Variants in ZNF732 observed in about 807,000 individuals in gnomAD.
ZNF732 encodes zinc finger protein 732, also known as zinc finger protein LOC654254.
Under a neutral mutation model 11.5 loss-of-function variants are expected in ZNF732, and 12 were observed. The ratio of observed to expected loss-of-function variants is 1.05; its 90% confidence interval spans 0.67 to 1.70. The LOEUF is 1.70. ZNF732 is among the 40% of genes most tolerant of loss of function. The pLI is 0.00. For synonymous variants in ZNF732, 231 were observed against 236.5 expected (o/e 0.98, Z 0.21); for missense variants, 702 against 676.9 (o/e 1.04, Z -0.41).
At position 272,464 on chromosome 4, in the gene ZNF732, T is replaced by C; in HGVS notation, c.393A>G (p.Gln131=). The stretch of plus-strand genomic sequence containing the variant: ...TTTTGCTCTGGATAGTTGACAAGCA[T>C]TGATTAAATTCATTATAACCTCCTT... ...VQKGGYNEFN[Q]CLSTIQSKIF... is the part of the protein sequence containing the mutation. Residue 131 remains glutamine, a synonymous_variant, in exon 4 of 4, where the codon CAA becomes CAG. Transcript: ENST00000419098. 1 of 1,601,414 alleles carries C rather than the reference T, an allele frequency of 6.2e-7. No individual in the cohort carries two copies. Among genetic ancestry groups the C allele is most frequent in the South Asian group, 1.1e-5 (1 of 89,756 alleles).
intron 3 of ZNF732, among the ~76,000 whole-genome samples, chr4:281,842 A>C (rs1399510072): frequency 1.3e-5 from 2 of 152,262 alleles, no homozygotes; most frequent in African/African-American, 4.8e-5. Context: ...AAAATGCTCC[A>C]GGAAGCACTA....
At chr4:273,608 TAA>T (rs1211916502) in intron 3 of ZNF732, among the ~76,000 whole-genome samples, 1 of 151,082 alleles carries the variant, frequency 6.6e-6, no homozygotes, top group Non-Finnish European at 1.5e-5. Context: ...AAATGCAAAA[TAA>T]AGACAGAAAT....
In ZNF732 at chr4:272,361, C is replaced by G. The variant is rs145832850; in HGVS notation, c.496G>C (p.Glu166Gln). 5.1e-4 allele frequency: 823 copies of G among 1,606,354 alleles called. 6 individuals carry two copies. In the African/African-American group the frequency reaches 9.7e-3, roughly 19 times the overall value. The change falls in exon 4 of 4, where the codon GAG becomes CAG. Residue 166 changes from glutamate to glutamine, a missense_variant. Glu to Gln is a conservative substitution (Grantham distance 29, BLOSUM62 2). This residue lies in a region of ZNF732 where 596 missense variants were observed against 557.9 expected (regional missense o/e 1.07). Transcript: ENST00000419098. ...TTGCCACATTCTTTAAAGTGTTTCT[C>G]TCCAGTATGTCTTATCCTACGTTGG... ...SNQRRIRHTG[E>Q]KHFKECGKSF...
intron 1 of ZNF732, among the ~76,000 whole-genome samples, chr4:301,634 C>T (rs1553843624): frequency 2.6e-5 from 4 of 152,104 alleles, no homozygotes; most frequent in Admixed American, 6.6e-5. Flanking sequence ...AACCAAACAC[C>T]GCATGTTCTC....
chr4:290,460 G>A (rs1719823880), intron 3 of ZNF732, among the ~76,000 whole-genome samples: 1 of 152,170 alleles, frequency 6.6e-6, no homozygotes, highest in African/African-American at 2.4e-5. Flanking sequence ...CCTGGCCTCA[G>A]CTGTGGTCCC....
chr4:281,485 A>T (rs530032860), intron 3 of ZNF732, among the ~76,000 whole-genome samples: 1 of 152,242 alleles, frequency 6.6e-6, no homozygotes, highest in African/African-American at 2.4e-5. Context: ...ATATAACTGG[A>T]GGCTTTTTTC....
chr4:288,569 T>C (rs1467077884), intron 3 of ZNF732, among the ~76,000 whole-genome samples: 3 of 152,208 alleles, frequency 2.0e-5, no homozygotes, highest in Non-Finnish European at 4.4e-5. Context: ...ATGGTTAGTT[T>C]TTGAGTTCTC....
At chr4:284,830 C>G (rs1553840384) in intron 3 of ZNF732, among the ~76,000 whole-genome samples, 1 of 134,110 alleles carries the variant, frequency 7.5e-6, no homozygotes, top group Non-Finnish European at 1.5e-5. Flanking sequence ...AAGATCACAC[C>G]ACTGCACTCC....
At chr4:288,739 T>C (rs113987817) in intron 3 of ZNF732, among the ~76,000 whole-genome samples, 5 of 152,314 alleles carry the variant, frequency 3.3e-5, no homozygotes, top group African/African-American at 1.2e-4. Flanking sequence ...TATGTAAATG[T>C]AAGAATTTTT....
intron 3 of ZNF732, among the ~76,000 whole-genome samples, chr4:287,944 AAC>A (rs1271517768): frequency 1.4e-5 from 2 of 146,610 alleles, no homozygotes; most frequent in Non-Finnish European, 3.0e-5. Flanking sequence ...CATTCTTTAC[AAC>A]ATTTTTTTTT....
intron 3 of ZNF732, among the ~76,000 whole-genome samples, chr4:292,922 G>A (rs1191119399): frequency 8.1e-5 from 10 of 123,356 alleles, no homozygotes; most frequent in African/African-American, 9.2e-5. Context: ...AAAAAAATTA[G>A]CCAGGCGTGG....
At chr4:300,454 C>CAAAAAAAAA (rs559629684) in intron 1 of ZNF732, among the ~76,000 whole-genome samples, 2 of 58,618 alleles carry the variant, frequency 3.4e-5, no homozygotes, top group African/African-American at 5.7e-5. Flanking sequence ...GACTCTGTCT[C>CAAAAAAAAA]AAAAAAAAAA....
chr4:294,010 G>T (rs1186136529), intron 3 of ZNF732, among the ~76,000 whole-genome samples: 1 of 152,008 alleles, frequency 6.6e-6, no homozygotes, highest in African/African-American at 2.4e-5. Context: ...TTTGGTTTTG[G>T]TTTTTTTGGA....
chr4:305,449 A>C lies in ZNF732; in HGVS notation c.-139T>G, dbSNP rs1581554512. Reference sequence around the variant, plus strand: ...TGAAAGCACGGCCGTGGAGACCCTAACCGAGCTCACGCTGGCGCAAAAGGC... The same window carrying C: ...TGAAAGCACGGCCGTGGAGACCCTACCCGAGCTCACGCTGGCGCAAAAGGC... On this transcript the variant is annotated 5_prime_UTR_variant, in exon 1 of 4. Coordinates refer to ENST00000419098, the MANE Select transcript of ZNF732 (RefSeq NM_001137608.3). 7.3e-6 allele frequency: 9 copies of C among 1,229,050 alleles called. No individual in the cohort carries two copies. Among genetic ancestry groups the C allele is most frequent in the Admixed American group, 2.4e-5 (1 of 42,006 alleles). The allele number at this position is 1,229,050 out of a possible 1,614,324, so 76.1% of individuals were successfully genotyped here. A position where few individuals can be genotyped will look rare whatever the true frequency, so the allele number is the denominator to read the frequency against.
chr4:285,009 C>G (rs1553840455), intron 3 of ZNF732, among the ~76,000 whole-genome samples: 1 of 151,336 alleles, frequency 6.6e-6, no homozygotes, highest in Non-Finnish European at 1.5e-5. Context: ...AATACTTTTC[C>G]TTTTTTCCAG....
chr4:295,523 G>C lies in ZNF732; in HGVS notation c.141C>G (p.Ile47Met). 3.1e-6 allele frequency: 5 copies of C among 1,612,074 alleles called. No homozygotes were observed. Among genetic ancestry groups the C allele is most frequent in the Non-Finnish European group, 4.2e-6 (5 of 1,178,950 alleles). ...GATAGATGACCAGGTCTGGGTTAGA[G>C]ATAGCAACACCTGTTTATTTTAAAA... ...YRNLISLGVAISNPDLVIYLE... is the reference protein window; with the variant it reads ...YRNLISLGVAMSNPDLVIYLE... The change falls in exon 3 of 4, where the codon ATC (isoleucine) becomes ATG (methionine). Residue 47 changes from isoleucine to methionine, a missense_variant. By Grantham distance (10) the Ile-to-Met change is conservative (BLOSUM62 1). This residue lies in a region of ZNF732 where 596 missense variants were observed against 557.9 expected (regional missense o/e 1.07). Coordinates refer to ENST00000419098, the MANE Select transcript of ZNF732 (RefSeq NM_001137608.3).
intron 3 of ZNF732, among the ~76,000 whole-genome samples, chr4:292,890 C>CAAAAAAAAAA (rs34118991): frequency 6.3e-5 from 5 of 79,500 alleles, no homozygotes; most frequent in Non-Finnish European, 7.8e-5. Context: ...ACTAAAAACA[C>CAAAAAAAAAA]AAAAAAAAAA....
At chr4:286,979 C>A (rs1560160860) in intron 3 of ZNF732, among the ~76,000 whole-genome samples, 1 of 151,960 alleles carries the variant, frequency 6.6e-6, no homozygotes, top group Admixed American at 6.6e-5. Flanking sequence ...GGTGAAACCC[C>A]GTCTCTACTA....
intron 3 of ZNF732, among the ~76,000 whole-genome samples, chr4:288,793 T>G (rs1432278144): frequency 6.6e-6 from 1 of 152,162 alleles, no homozygotes; most frequent in African/African-American, 2.4e-5. Context: ...GTGGCTCATG[T>G]CTGTAATCCC....
Sources: allele counts gnomAD v4.1 joint callset (sites outside exome capture counted in the v4.1 genomes callset), GRCh38; gene constraint gnomAD v4.1.1; regional missense constraint gnomAD v4.1.1; transcripts MANE v1.5; gene names NCBI Gene and HGNC (gene_info 2026-07-23, HGNC 2026-07-21).